The following EXOC6B variants were observed in gnomAD, a reference collection of about 807,000 sequenced individuals.
The protein encoded by EXOC6B is SEC15 homolog B.
A neutral mutation model predicts 113.5 loss-of-function variants in EXOC6B; 54 were observed. The ratio of observed to expected loss-of-function variants is 0.48; its 90% CI spans 0.38 to 0.60. EXOC6B has a LOEUF of 0.60. Among genes scored for constraint, EXOC6B ranks in the 20% least tolerant of loss-of-function variants. The pLI is 0.00. For missense variants in EXOC6B, 797 were observed against 977.5 expected (o/e 0.82, Z 2.46); for synonymous variants, 357 against 339.0 (o/e 1.05, Z -0.58).
At chr2:72,329,797 A>G (rs1276561386) in intron 20 of EXOC6B, among the ~76,000 whole-genome samples, 2 of 152,112 alleles carry the variant, frequency 1.3e-5, no homozygotes, top group Non-Finnish European at 2.9e-5. Flanking sequence ...CTATACCTCT[A>G]AAAGGAATAG....
intron 5 of EXOC6B, chr2:72,721,715 T>G (rs1297147309): frequency 1.3e-5 from 2 of 151,960 alleles, no homozygotes; most frequent in Non-Finnish European, 2.9e-5. Context: ...AAAACTAACC[T>G]AGATGTCTAA....
At chr2:72,644,445 A>C (rs1673527109) in intron 6 of EXOC6B, among the ~76,000 whole-genome samples, 1 of 152,212 alleles carries the variant, frequency 6.6e-6, no homozygotes, top group African/African-American at 2.4e-5. Flanking sequence ...GAACACCACA[A>C]AGATACTCCT....
At chr2:72,624,325 C>CT (rs1248891134) in intron 6 of EXOC6B, among the ~76,000 whole-genome samples, 3 of 152,114 alleles carry the variant, frequency 2.0e-5, no homozygotes, top group Admixed American at 1.3e-4. Context: ...TCTCAAACCC[C>CT]TGGCATCAAG....
At chr2:72,396,697 A>C (rs1186294281) in intron 18 of EXOC6B, among the ~76,000 whole-genome samples, 1 of 152,132 alleles carries the variant, frequency 6.6e-6, no homozygotes, top group Non-Finnish European at 1.5e-5. Flanking sequence ...ATTATGTTAG[A>C]ATATGGTTTC....
At chr2:72,264,749 G>A (rs993720941) in intron 20 of EXOC6B, among the ~76,000 whole-genome samples, 3 of 151,852 alleles carry the variant, frequency 2.0e-5, no homozygotes, top group South Asian at 2.1e-4. Flanking sequence ...TGAGTCTCAC[G>A]AGATCTGATG....
intron 20 of EXOC6B, among the ~76,000 whole-genome samples, chr2:72,307,160 A>ATTTTTTTTTTTTTTTTT (rs1686912321): frequency 9.3e-6 from 1 of 107,760 alleles, no homozygotes; most frequent in African/African-American, 8.6e-5. Flanking sequence ...GGTATAGTCC[A>ATTTTTTTTTTTTTTTTT]GTTTTTTTTT....
intron 16 of EXOC6B, among the ~76,000 whole-genome samples, chr2:72,488,077 C>T (rs149269627): frequency 3.9e-5 from 6 of 152,138 alleles, no homozygotes; most frequent in East Asian, 1.9e-4. Flanking sequence ...TTATTAAAAG[C>T]GCTCTTACCA....
Position 72,511,571 on chromosome 2 carries a change from C to A in EXOC6B, c.1167+1561G>T, listed in dbSNP as rs180689762. Among the ~76,000 whole-genome samples the A allele has an allele frequency of 2.6e-5, 4 of 152,180 alleles. No individual in the cohort carries two copies. The East Asian group carries it at 7.7e-4, about 29-fold the overall frequency. ...TTTTGAATTCATTCTTACCCCTCAT[C>A]CACTATCCACACTTAAGCCAAAACA... On this transcript the variant is annotated intron_variant, in intron 11 of 21. Coordinates refer to ENST00000272427, the MANE Select transcript of EXOC6B (RefSeq NM_015189.3).
At chr2:72,280,793 T>C (rs1685083138) in intron 20 of EXOC6B, among the ~76,000 whole-genome samples, 2 of 151,998 alleles carry the variant, frequency 1.3e-5, no homozygotes, top group Non-Finnish European at 2.9e-5. Flanking sequence ...ACATACCATA[T>C]ATTTTTGGTG....
intron 1 of EXOC6B, among the ~76,000 whole-genome samples, chr2:72,749,721 C>T (rs1449383774): frequency 6.6e-6 from 1 of 151,800 alleles, no homozygotes; most frequent in African/African-American, 2.4e-5. Flanking sequence ...ACACTTCGGT[C>T]TCCACACTTA....
intron 20 of EXOC6B, among the ~76,000 whole-genome samples, chr2:72,310,420 T>C (rs1276137417): frequency 6.6e-6 from 1 of 152,198 alleles, no homozygotes; most frequent in Admixed American, 6.5e-5. Flanking sequence ...GTGCTTATTG[T>C]ACATTTGCAT....
At chr2:72,546,705 C>A (rs1048396316) in intron 8 of EXOC6B, among the ~76,000 whole-genome samples, 3 of 152,182 alleles carry the variant, frequency 2.0e-5, no homozygotes, top group Admixed American at 6.5e-5. Flanking sequence ...GGCTAACTTA[C>A]CCCTAACAGA....
At chr2:72,517,270 T>C (rs1162072962) in intron 8 of EXOC6B, among the ~76,000 whole-genome samples, 1 of 152,186 alleles carries the variant, frequency 6.6e-6, no homozygotes, top group Non-Finnish European at 1.5e-5. Flanking sequence ...TCACCTTTCA[T>C]TAAATATTCC....
intron 19 of EXOC6B, among the ~76,000 whole-genome samples, chr2:72,368,911 C>A (rs1215477722): frequency 2.0e-5 from 3 of 152,150 alleles, no homozygotes; most frequent in Non-Finnish European, 2.9e-5. Context: ...CAATATCATA[C>A]TGAATGGGCA....
At chr2:72,621,101 A>C (rs916205427) in intron 6 of EXOC6B, among the ~76,000 whole-genome samples, 4 of 152,186 alleles carry the variant, frequency 2.6e-5, no homozygotes, top group Non-Finnish European at 4.4e-5. Context: ...TGGGGTTCTC[A>C]AATAACTTAA....
At chr2:72,335,531 C>G (rs1475980619) in intron 19 of EXOC6B, among the ~76,000 whole-genome samples, 1 of 145,636 alleles carries the variant, frequency 6.9e-6, no homozygotes, top group Non-Finnish European at 1.5e-5. Flanking sequence ...TTTGTATTAT[C>G]TCATGACTGC....
At chr2:72,610,523 G>A (rs183687382) in intron 6 of EXOC6B, among the ~76,000 whole-genome samples, 2 of 152,262 alleles carry the variant, frequency 1.3e-5, no homozygotes, top group Admixed American at 1.3e-4. Context: ...GGTACATTAA[G>A]GGACATAGAA....
intron 19 of EXOC6B, among the ~76,000 whole-genome samples, chr2:72,371,234 G>T (rs559746617): frequency 1.3e-5 from 2 of 152,008 alleles, no homozygotes; most frequent in South Asian, 4.2e-4. Flanking sequence ...AGAAGCCCAG[G>T]ACCCAGTTCA....
chr2:72,203,684 C>T (rs747125390), intron 20 of EXOC6B, among the ~76,000 whole-genome samples: 1 of 152,190 alleles, frequency 6.6e-6, no homozygotes, highest in Non-Finnish European at 1.5e-5. Flanking sequence ...ATTCACTAAG[C>T]AATTATTCCT....
Sources: gnomAD v4.1 joint callset for allele counts (sites outside exome capture counted in the v4.1 genomes callset) on GRCh38, gnomAD v4.1.1 for gene constraint, MANE v1.5 for transcripts, NCBI Gene and HGNC (gene_info 2026-07-23, HGNC 2026-07-21) for gene names.